JADE3: variants seen among roughly 807,000 people sequenced by gnomAD.
The protein encoded by JADE3 is jade family PHD finger 3.
In JADE3, 2 loss-of-function variants were observed where a neutral mutation model predicts 50.1. The ratio of observed to expected loss-of-function variants is 0.04; its 90% CI spans 0.02 to 0.13. JADE3 has a LOEUF of 0.13. Ranked by LOEUF, JADE3 falls within the 10% of genes least tolerant of loss-of-function variation. The pLI is 1.00. For synonymous variants in JADE3, 218 were observed against 232.9 expected (o/e 0.94, Z 0.58); for missense variants, 475 against 634.4 (o/e 0.75, Z 2.70).
chrX:47,008,603 C>T (rs1304329402), intron 4 of JADE3, among the ~76,000 whole-genome samples: 3 of 111,467 alleles, frequency 2.7e-5, no homozygotes, highest in Non-Finnish European at 5.7e-5. Flanking sequence ...AATGTTTTGA[C>T]AAAATTTTTA....
intron 4 of JADE3, among the ~76,000 whole-genome samples, chrX:47,007,827 G>A (rs949711694): frequency 3.8e-5 from 4 of 105,918 alleles, no homozygotes; most frequent in South Asian, 8.4e-4. Flanking sequence ...GTGTGTGTGT[G>A]TGTGTGTGTG....
At chrX:46,925,837 A>T (rs1556338751) in intron 1 of JADE3, among the ~76,000 whole-genome samples, 2 of 107,132 alleles carry the variant, frequency 1.9e-5, no homozygotes, top group Non-Finnish European at 3.9e-5. Flanking sequence ...AAAAAAAAAA[A>T]AAAGATGACC....
At chrX:46,998,723 T>C (rs1928199007) in intron 4 of JADE3, among the ~76,000 whole-genome samples, 1 of 111,017 alleles carries the variant, frequency 9.0e-6, no homozygotes, top group African/African-American at 3.3e-5. Flanking sequence ...GATGGAGTCT[T>C]ACTCTGTCAC....
At chrX:46,935,145 G>A (rs968997744) in intron 1 of JADE3, among the ~76,000 whole-genome samples, 4 of 110,980 alleles carry the variant, frequency 3.6e-5, no homozygotes, top group African/African-American at 1.3e-4. Context: ...TGTTGGCCAG[G>A]CTGGTCTCAA....
intron 4 of JADE3, among the ~76,000 whole-genome samples, chrX:47,014,573 T>A (rs952941653): frequency 3.6e-5 from 4 of 112,017 alleles, no homozygotes; most frequent in African/African-American, 1.3e-4. Context: ...ATTGCTCTAA[T>A]AGGGGCCCTT....
intron 1 of JADE3, among the ~76,000 whole-genome samples, chrX:46,980,122 C>A (rs1213487700): frequency 9.1e-6 from 1 of 109,697 alleles, no homozygotes; most frequent in Non-Finnish European, 1.9e-5. Context: ...TCAAATGATC[C>A]GTCCGCCTTA....
In JADE3 at chrX:47,057,318, A is replaced by T. The variant is rs1269216012; in HGVS notation, c.1562-849A>T. Among the ~76,000 whole-genome samples, 4 of 111,690 alleles carry T rather than the reference A, an allele frequency of 3.6e-5. No individual in the cohort carries two copies. The Admixed American group carries it at 3.8e-4, about 11-fold the overall frequency. On this transcript the variant is annotated intron_variant, in intron 10 of 10. Coordinates refer to ENST00000614628, the MANE Select transcript of JADE3 (RefSeq NM_014735.5). ...TGATATCTCATTTTTGTGAGGGTAC[A>T]GTAAGATGGTAATGGGCAAAGGTCA...
At chrX:46,972,074 T>C (rs1404524235) in intron 1 of JADE3, among the ~76,000 whole-genome samples, 1 of 112,350 alleles carries the variant, frequency 8.9e-6, no homozygotes, top group Non-Finnish European at 1.9e-5. Flanking sequence ...TTGTCACTTA[T>C]TTTGATATGG....
chrX:46,994,527 C>T (rs1928082041), intron 3 of JADE3, among the ~76,000 whole-genome samples: 1 of 112,125 alleles, frequency 8.9e-6, no homozygotes, highest in Non-Finnish European at 1.9e-5. Flanking sequence ...CTAGATCCCT[C>T]CTTCATTATC....
intron 8 of JADE3, among the ~76,000 whole-genome samples, chrX:47,039,758 C>A (rs1320482098): frequency 8.9e-6 from 1 of 111,848 alleles, no homozygotes; most frequent in Non-Finnish European, 1.9e-5. Flanking sequence ...TTTTTTCTGT[C>A]TTTCCAACTT....
chrX:47,051,003 A>C (rs1418924454), intron 8 of JADE3, among the ~76,000 whole-genome samples: 2 of 111,901 alleles, frequency 1.8e-5, no homozygotes, highest in Non-Finnish European at 3.8e-5. Context: ...GCTTCAGTGT[A>C]ATATAACAAA....
intron 1 of JADE3, among the ~76,000 whole-genome samples, chrX:46,924,054 C>G (rs1194246635): frequency 8.9e-6 from 1 of 111,933 alleles, no homozygotes; most frequent in Non-Finnish European, 1.9e-5. Context: ...CCAGTGTTCT[C>G]CAACCATGGG....
chrX:46,936,947 C>G (rs1926637457), intron 1 of JADE3, among the ~76,000 whole-genome samples: 1 of 111,221 alleles, frequency 9.0e-6, no homozygotes, highest in Non-Finnish European at 1.9e-5. Context: ...CTGTTTAGTC[C>G]TTTATCTTGA....
At position 46,968,889 on chromosome X, in the gene JADE3, G is replaced by T. The variant is rs368529722; in HGVS notation, c.-11-15995G>T. Among the ~76,000 whole-genome samples the T allele has an allele frequency of 3.8e-4, 42 of 111,677 alleles. No homozygotes were observed. The South Asian group carries it at 0.016, about 41-fold the overall frequency. On this transcript the variant is annotated intron_variant, in intron 1 of 10. Coordinates refer to ENST00000614628, the MANE Select transcript of JADE3 (RefSeq NM_014735.5). ...CAGTAATTGATAGAACCAGTAGACA[G>T]AAAATCAGCAAAGATATAGAAGAAA...
chrX:46,981,892 C>G (rs1329493065), intron 1 of JADE3, among the ~76,000 whole-genome samples: 3 of 110,430 alleles, frequency 2.7e-5, no homozygotes, highest in African/African-American at 9.8e-5. Context: ...GTTTTTTTTC[C>G]CGGGCTGCTT....
chrX:46,937,481 TATTA>T (rs1926655109), intron 1 of JADE3, among the ~76,000 whole-genome samples: 1 of 112,100 alleles, frequency 8.9e-6, no homozygotes, highest in Non-Finnish European at 1.9e-5. Context: ...TAGTTCTGTA[TATTA>T]ATTAGAGTGT....
intron 10 of JADE3, among the ~76,000 whole-genome samples, chrX:47,057,088 A>G (rs1359096220): frequency 8.9e-6 from 1 of 112,010 alleles, no homozygotes; most frequent in African/African-American, 3.2e-5. Context: ...CAAAACAAGG[A>G]GAAGCAGAGG....
Position 46,988,790 on chromosome X carries a change from C to T in JADE3, c.126+2998C>T, listed in dbSNP as rs532152028. Among the ~76,000 whole-genome samples, 4 of 112,837 alleles carry T rather than the reference C, an allele frequency of 3.5e-5. No homozygotes were observed. In the South Asian group the frequency reaches 1.5e-3, roughly 41 times the overall value. ...CAGATGGAACCACTGTGAATTCTTT[C>T]TTCCTATTTGGCCCCTGAAACTGAA... On this transcript the variant is annotated intron_variant, in intron 3 of 10. Transcript: ENST00000614628.
At chrX:47,010,951 CTG>C (rs781991489) in intron 4 of JADE3, among the ~76,000 whole-genome samples, 58 of 112,088 alleles carry the variant, frequency 5.2e-4, no homozygotes, top group African/African-American at 1.8e-3. Context: ...CACCTTCTCA[CTG>C]TGTCCTCACA....
Sources: gnomAD v4.1 joint callset for allele counts (sites outside exome capture counted in the v4.1 genomes callset) on GRCh38, gnomAD v4.1.1 for gene constraint, MANE v1.5 for transcripts, NCBI Gene and HGNC (gene_info 2026-07-23, HGNC 2026-07-21) for gene names.